Variants in COL23A1 observed in about 807,000 individuals in gnomAD.
COL23A1 encodes the protein collagen type XXIII alpha 1 chain.
COL23A1 carries 97 observed loss-of-function variants against 99.3 expected under a neutral mutation model. The ratio of observed to expected loss-of-function variants is 0.98; its 90% CI spans 0.83 to 1.16. The LOEUF is 1.16. Ranked by LOEUF, COL23A1 falls within the 50% of genes most tolerant of loss-of-function variation. The pLI is 0.00. For missense variants in COL23A1, 762 were observed against 757.4 expected (o/e 1.01, Z -0.07); for synonymous variants, 320 against 308.2 (o/e 1.04, Z -0.40).
intron 1 of COL23A1, among the ~76,000 whole-genome samples, chr5:178,565,543 C>G (rs1358329763): frequency 1.3e-5 from 2 of 150,698 alleles, no homozygotes; most frequent in Admixed American, 6.6e-5. Flanking sequence ...TTTTGATACC[C>G]CACCACGATG....
intron 2 of COL23A1, among the ~76,000 whole-genome samples, chr5:178,352,868 G>A (rs889960696): frequency 6.6e-5 from 10 of 152,172 alleles, no homozygotes; most frequent in Admixed American, 6.5e-4. Flanking sequence ...TCCTCACACC[G>A]AATATTTTGG....
intron 12 of COL23A1, 93 bp downstream of exon 12, chr5:178,259,628 C>A: frequency 8.3e-7 from 1 of 1,199,580 alleles, no homozygotes; most frequent in South Asian, 1.6e-5. Context: ...CCATCCCGTC[C>A]CCATCCCCAT....
intron 2 of COL23A1, among the ~76,000 whole-genome samples, chr5:178,341,189 C>T (rs550184270): frequency 2.6e-5 from 4 of 152,298 alleles, no homozygotes; most frequent in African/African-American, 4.8e-5. Flanking sequence ...CACAGTAGTG[C>T]GATGAGCTCA....
intron 16 of COL23A1, among the ~76,000 whole-genome samples, chr5:178,254,743 T>TGGGCCACATTCACAG (rs1765214462): frequency 1.3e-5 from 2 of 152,158 alleles, no homozygotes; most frequent in Non-Finnish European, 1.5e-5. Context: ...CGGGGCCACG[T>TGGGCCACATTCACAG]GGGCCACATT....
At chr5:178,509,149 G>A (rs1277100516) in intron 2 of COL23A1, among the ~76,000 whole-genome samples, 2 of 152,092 alleles carry the variant, frequency 1.3e-5, no homozygotes, top group African/African-American at 2.4e-5. Flanking sequence ...TGTCAGAAAT[G>A]CAGACTCTCA....
rs568569519 is a variant in COL23A1 at position 178,510,837 on chromosome 5, T to TA, written c.361+49844dup. On this transcript the variant is annotated intron_variant, in intron 2 of 28. Transcript: ENST00000390654. The stretch of plus-strand genomic sequence containing the variant: ...TTATTCATATGAAGAGTCATATCTG[T>TA]ACAAGCAAAAACCTGGATATAATGT... Among the ~76,000 whole-genome samples the TA allele has an allele frequency of 7.2e-5, 11 of 152,270 alleles. No individual in the cohort carries two copies. In the East Asian group the frequency reaches 2.1e-3, roughly 29 times the overall value.
rs563987947 is a variant in COL23A1 at position 178,281,395 on chromosome 5, C to T, written c.441+6929G>A. ...TTTCAAAATTGGTCCCAGGCCGAGG[C>T]CCCGTCTCACAGACCACATTTCAGC... On this transcript the variant is annotated intron_variant, in intron 5 of 28. Coordinates refer to ENST00000390654, the MANE Select transcript of COL23A1 (RefSeq NM_173465.4). This position sits in a 1 kb window ranked among gnomAD's most constrained non-coding sequence, Gnocchi z 4.0. 1.6e-4 allele frequency among the ~76,000 whole-genome samples: 25 copies of T among 152,292 alleles called. No individual in the cohort carries two copies. Among genetic ancestry groups the T allele is most frequent in the Admixed American group, 3.9e-4 (6 of 15,304 alleles).
chr5:178,271,262 C>A (rs894004530), intron 5 of COL23A1, among the ~76,000 whole-genome samples: 3 of 152,192 alleles, frequency 2.0e-5, no homozygotes, highest in Non-Finnish European at 4.4e-5. Context: ...TGGTCTCTGT[C>A]AGCCCCCTCT....
Position 178,589,468 on chromosome 5 carries a change from G to A in COL23A1, c.294+436C>T, listed in dbSNP as rs73804325. Among the ~76,000 whole-genome samples, 1,284 of 152,242 alleles carry A rather than the reference G, an allele frequency of 8.4e-3. 19 individuals are homozygous for A. The highest frequency in any genetic ancestry group is 0.029 in the African/African-American group (1,185 of 41,532). On this transcript the variant is annotated intron_variant, in intron 1 of 28. Coordinates refer to ENST00000390654, the MANE Select transcript of COL23A1 (RefSeq NM_173465.4). The surrounding 1 kb of genome is among the most constrained non-coding windows in gnomAD (Gnocchi z 5.4). ...GAGGCTTTCCTCCGCCGTGACCACC[G>A]CCTCTCCAGGTGTACCAGCGTTGGT...
At chr5:178,499,401 C>T (rs1332312629) in intron 2 of COL23A1, among the ~76,000 whole-genome samples, 1 of 152,234 alleles carries the variant, frequency 6.6e-6, no homozygotes, top group East Asian at 1.9e-4. Flanking sequence ...TCACGCTGAT[C>T]TTACGTGCCT....
chr5:178,318,041 GGTGGGGACAC>G (rs1398475413), intron 2 of COL23A1, among the ~76,000 whole-genome samples: 2 of 152,106 alleles, frequency 1.3e-5, no homozygotes, highest in Non-Finnish European at 2.9e-5. Context: ...ATGAGATTTG[GGTGGGGACAC>G]AGCCACACCG....
rs533024016 is a variant in COL23A1 at position 178,556,153 on chromosome 5, C to G, written c.361+4529G>C. ...TTACAGGACATTCCAACAGCATGGC[C>G]AGATTCTTTCCTGGACCAAAACAAG... On this transcript the variant is annotated intron_variant, in intron 2 of 28. Coordinates refer to ENST00000390654, the MANE Select transcript of COL23A1 (RefSeq NM_173465.4). 2.0e-5 allele frequency among the ~76,000 whole-genome samples: 3 copies of G among 152,286 alleles called. No individual in the cohort carries two copies. The East Asian group carries it at 5.8e-4, about 29-fold the overall frequency.
rs1416138184 is a variant in COL23A1 at position 178,590,107 on chromosome 5, C to T, written c.91G>A (p.Ala31Thr). 2.8e-5 allele frequency: 35 copies of T among 1,256,286 alleles called. No individual in the cohort carries two copies. Among genetic ancestry groups the T allele is most frequent in the Non-Finnish European group, 2.8e-5 (28 of 1,001,908 alleles). 77.8% of individuals were successfully genotyped at this position (1,256,286 alleles called of 1,614,324 possible). The change falls in exon 1 of 29, where the codon GCC becomes ACC. Residue 31 changes from alanine (A) to threonine (T), a missense_variant. Coordinates refer to ENST00000390654, the MANE Select transcript of COL23A1 (RefSeq NM_173465.4). This position sits in a 1 kb window ranked among gnomAD's most constrained non-coding sequence, Gnocchi z 5.7. ...GGGGGRSATTAGSRAVSALCL... is the reference protein window; with the variant it reads ...GGGGGRSATTTGSRAVSALCL... ...AGCGCGCTCACCGCCCGGGACCCGG[C>T]CGTCGTCGCCGAGCGCCCTCCGCCG...
At chr5:178,347,743 C>T (rs1296957442) in intron 2 of COL23A1, among the ~76,000 whole-genome samples, 1 of 151,500 alleles carries the variant, frequency 6.6e-6, no homozygotes, top group African/African-American at 2.4e-5. Flanking sequence ...TAGCTGGGCG[C>T]ACTGGCGGGC....
At chr5:178,326,591 A>T (rs1037252960) in intron 2 of COL23A1, among the ~76,000 whole-genome samples, 3 of 151,868 alleles carry the variant, frequency 2.0e-5, no homozygotes, top group African/African-American at 7.3e-5. Flanking sequence ...TCCTCTCTTT[A>T]TTTATTCACC....
chr5:178,386,459 C>T (rs929742049), intron 2 of COL23A1, among the ~76,000 whole-genome samples: 1 of 151,584 alleles, frequency 6.6e-6, no homozygotes, highest in African/African-American at 2.4e-5. Context: ...AAACGCAATA[C>T]ACTATTTCAG....
chr5:178,294,322 AAAT>A (rs1365524007), intron 3 of COL23A1, among the ~76,000 whole-genome samples: 45 of 30,804 alleles, frequency 1.5e-3, no homozygotes, highest in African/African-American at 2.8e-3. Flanking sequence ...CTCCCTCCCC[AAAT>A]CACTACCGAG....
chr5:178,364,733 C>T lies in COL23A1; in HGVS notation c.362-57814G>A, dbSNP rs181869102. On this transcript the variant is annotated intron_variant, in intron 2 of 28. Coordinates refer to ENST00000390654, the MANE Select transcript of COL23A1 (RefSeq NM_173465.4). Reference sequence around the variant, plus strand: ...TCCCCACTCCAGAGGCTCTGAGTCACGAGGTCTTGGGTGGGCCTAAGGCAC... The same window carrying T: ...TCCCCACTCCAGAGGCTCTGAGTCATGAGGTCTTGGGTGGGCCTAAGGCAC... 2.6e-3 allele frequency among the ~76,000 whole-genome samples: 394 copies of T among 152,294 alleles called. 1 individual carries two copies. The highest frequency in any genetic ancestry group is 4.8e-3 in the Non-Finnish European group (327 of 68,018).
intron 2 of COL23A1, among the ~76,000 whole-genome samples, chr5:178,399,877 A>G (rs912142193): frequency 1.3e-5 from 2 of 152,136 alleles, no homozygotes; most frequent in Admixed American, 1.3e-4. Context: ...CGACGGCCGC[A>G]TGGTTCTCAT....
Sources: allele counts gnomAD v4.1 joint callset (sites outside exome capture counted in the v4.1 genomes callset), GRCh38; gene constraint gnomAD v4.1.1; non-coding constraint Gnocchi (gnomAD v3.1); transcripts MANE v1.5; gene names NCBI Gene and HGNC (gene_info 2026-07-23, HGNC 2026-07-21).